NARS1: variants seen among roughly 807,000 people sequenced by gnomAD.
NARS1 encodes asparagine--tRNA ligase, cytoplasmic.
NARS1 carries 65 observed loss-of-function variants against 79.2 expected under a neutral mutation model. The ratio of observed to expected loss-of-function variants is 0.82; its 90% CI spans 0.67 to 1.01. The LOEUF is 1.01. Among genes scored for constraint, NARS1 ranks in the 50% least tolerant of loss-of-function variants. The pLI is 0.00. For missense variants in NARS1, 649 were observed against 673.8 expected (o/e 0.96, Z 0.41); for synonymous variants, 229 against 238.8 (o/e 0.96, Z 0.38).
chr18:57,618,281 C>G (rs1477516706), intron 2 of NARS1, among the ~76,000 whole-genome samples: 3 of 104,678 alleles, frequency 2.9e-5, no homozygotes, highest in Non-Finnish European at 3.8e-5. Flanking sequence ...AAGAACAAAA[C>G]TCTGTCTCAA....
intron 5 of NARS1, among the ~76,000 whole-genome samples, chr18:57,612,922 C>G (rs564653285): frequency 1.3e-5 from 2 of 152,228 alleles, no homozygotes; most frequent in African/African-American, 4.8e-5. Context: ...AGATGTCAAC[C>G]TCCTATAGTA....
intron 6 of NARS1, 86 bp downstream of exon 6, chr18:57,611,551 A>T: frequency 2.3e-6 from 2 of 884,658 alleles, no homozygotes; most frequent in Non-Finnish European, 3.4e-6. Flanking sequence ...CGACATAATA[A>T]ATGTTTTAAA....
intron 11 of NARS1, among the ~76,000 whole-genome samples, chr18:57,604,867 C>T (rs1186934635): frequency 3.9e-5 from 6 of 152,118 alleles, no homozygotes; most frequent in African/African-American, 4.8e-5. Flanking sequence ...CCAGCCTGGA[C>T]GACAGATGGA....
intron 7 of NARS1, among the ~76,000 whole-genome samples, chr18:57,608,542 A>G (rs1367371250): frequency 6.6e-6 from 1 of 152,048 alleles, no homozygotes; most frequent in Non-Finnish European, 1.5e-5. Context: ...CATCTGGCTG[A>G]AAAGTAATTC....
chr18:57,607,417 T>C (rs1400725126), intron 8 of NARS1, 27 bp downstream of exon 8: 6 of 1,612,312 alleles, frequency 3.7e-6, no homozygotes, highest in Non-Finnish European at 5.1e-6. Flanking sequence ...ACATATTCTT[T>C]GCAAAAGCTG....
chr18:57,609,798 G>C (rs2051590507), intron 6 of NARS1, among the ~76,000 whole-genome samples: 2 of 152,134 alleles, frequency 1.3e-5, no homozygotes, highest in Non-Finnish European at 2.9e-5. Context: ...AGTGGTTCAT[G>C]CCTGTAATCC....
Position 57,607,280 on chromosome 18 carries a change from G to A in NARS1, c.855C>T (p.Phe285=). 6.2e-7 allele frequency: 1 copy of A among 1,614,218 alleles called. No individual in the cohort carries two copies. Among genetic ancestry groups the A allele is most frequent in the Non-Finnish European group, 8.5e-7 (1 of 1,180,040 alleles). The change falls in exon 9 of 14, where the codon TTC becomes TTT. Residue 285 remains phenylalanine (F), a synonymous_variant. Coordinates refer to ENST00000256854, the MANE Select transcript of NARS1 (RefSeq NM_004539.4). The part of the protein sequence containing the change: ...QTQVEGGATL[F]KLDYFGEEAF... Reference sequence around the variant, plus strand: ...CCTCTTCCCCAAAATAGTCAAGCTTGAAGAGTGTGGCACCACCTTCTACTT... The same window carrying A: ...CCTCTTCCCCAAAATAGTCAAGCTTAAAGAGTGTGGCACCACCTTCTACTT...
intron 2 of NARS1, 99 bp from the exon 3 acceptor site, chr18:57,616,074 A>G (rs72942220): frequency 0.18 from 198,858 of 1,107,194 alleles, 19,186 homozygotes; most frequent in Non-Finnish European, 0.2. Context: ...CAATCTAAGC[A>G]TAAAGACCCC....
chr18:57,616,591 C>A (rs1197012098), intron 2 of NARS1, among the ~76,000 whole-genome samples: 1 of 152,138 alleles, frequency 6.6e-6, no homozygotes, highest in Admixed American at 6.6e-5. Flanking sequence ...ACAAGGACAA[C>A]AGAAGAGACA....
At position 57,620,573 on chromosome 18, in the gene NARS1, A is replaced by G; in HGVS notation, c.89T>C (p.Leu30Pro). ...GTKEKPFKTG[L>P]KALMTVGKEP... ...CCTAATGAGAAGAGACTCTACCTTTAGACCTGTTTTAAATGGTTTCTCCTT... is the reference window on the plus strand; with the variant it reads ...CCTAATGAGAAGAGACTCTACCTTTGGACCTGTTTTAAATGGTTTCTCCTT... The change falls in exon 2 of 14, where the codon CTA becomes CCA. Residue 30 changes from leucine (L) to proline (P), a missense_variant. By Grantham distance (98) the Leu-to-Pro change is moderately conservative. Coordinates refer to ENST00000256854, the MANE Select transcript of NARS1 (RefSeq NM_004539.4). 1 of 1,608,064 alleles carries G rather than the reference A, an allele frequency of 6.2e-7. No individual in the cohort carries two copies. The highest frequency in any genetic ancestry group is 8.5e-7 in the Non-Finnish European group (1 of 1,175,080).
intron 7 of NARS1, among the ~76,000 whole-genome samples, chr18:57,608,046 T>C (rs983956419): frequency 6.6e-6 from 1 of 152,020 alleles, no homozygotes; most frequent in Non-Finnish European, 1.5e-5. Flanking sequence ...TTTTGTATAT[T>C]TAGTAGAGAC....
chr18:57,616,771 G>A (rs1908045789), intron 2 of NARS1, among the ~76,000 whole-genome samples: 1 of 146,804 alleles, frequency 6.8e-6, no homozygotes, highest in African/African-American at 2.7e-5. Context: ...GGGGGGCCGA[G>A]GAGGGAGGAT....
intron 9 of NARS1, 180 bp downstream of exon 9, chr18:57,606,954 A>G: frequency 1.1e-6 from 1 of 915,162 alleles, no homozygotes; most frequent in Non-Finnish European, 1.6e-6. Flanking sequence ...ATCAAGTCAA[A>G]GTGAAAAAAG....
intron 10 of NARS1, among the ~76,000 whole-genome samples, 194 bp from the exon 11 acceptor site, chr18:57,606,164 C>A (rs199812124): frequency 2.6e-5 from 4 of 151,830 alleles, no homozygotes; most frequent in African/African-American, 9.7e-5. Flanking sequence ...GCCTGGCCAA[C>A]ACGGTAAAAC....
At chr18:57,618,323 A>C (rs1399704494) in intron 2 of NARS1, among the ~76,000 whole-genome samples, 1 of 151,984 alleles carries the variant, frequency 6.6e-6, no homozygotes, top group Non-Finnish European at 1.5e-5. Context: ...CATTGATGAA[A>C]ATGCAAAACC....
chr18:57,609,566 G>A, intron 6 of NARS1, 123 bp from the exon 7 acceptor site: 1 of 680,694 alleles, frequency 1.5e-6, no homozygotes, highest in Non-Finnish European at 2.5e-6. Context: ...AATAAAGAGT[G>A]AGATGGCCAC....
chr18:57,615,768 C>A lies in NARS1; in HGVS notation c.253-38G>T. 3.1e-6 allele frequency: 5 copies of A among 1,610,370 alleles called. No homozygotes were observed. The South Asian group carries it at 3.3e-5, about 11-fold the overall frequency. ...ATGAAGCAGTTTGTTAACATGGTTG[C>A]CAGAGTTCTAACTTTAACAACGTTC... On this transcript the variant is annotated intron_variant, in intron 3 of 13. Transcript: ENST00000256854.
chr18:57,616,439 A>G (rs996942087), intron 2 of NARS1, among the ~76,000 whole-genome samples: 142 of 151,722 alleles, frequency 9.4e-4, no homozygotes, highest in Non-Finnish European at 9.7e-4. Context: ...AAAAAAAAAA[A>G]AAGAAGCACA....
In NARS1 at chr18:57,613,696, A is replaced by G. The variant is rs375759422; in HGVS notation, c.343-16T>C. On this transcript the variant is annotated splice_polypyrimidine_tract_variant and intron_variant, in intron 4 of 13. Coordinates refer to ENST00000256854, the MANE Select transcript of NARS1 (RefSeq NM_004539.4). ...CAATCTTCACCTGTCAAATTGAAAT[A>G]AACAACATTTGTTCAATAATGTCAT... The G allele has an allele frequency of 2.5e-6, 4 of 1,600,904 alleles. No homozygotes were observed. The African/African-American group carries it at 4.0e-5, about 16-fold the overall frequency.
Sources: allele counts gnomAD v4.1 joint callset (sites outside exome capture counted in the v4.1 genomes callset), GRCh38; gene constraint gnomAD v4.1.1; transcripts MANE v1.5; gene names NCBI Gene and HGNC (gene_info 2026-07-23, HGNC 2026-07-21).